The following SDK1 variants were observed in gnomAD, a reference collection of about 807,000 sequenced individuals.
SDK1 encodes the protein sidekick cell adhesion molecule 1.
SDK1 carries 157 observed loss-of-function variants against 245.5 expected under a neutral mutation model. That is an observed-to-expected ratio of 0.64 (90% CI 0.56 to 0.73). SDK1 has a LOEUF of 0.73. SDK1 is among the 30% of genes least tolerant of loss of function. SDK1 has a pLI of 0.00. For synonymous variants in SDK1, 1,647 were observed against 1,278.5 expected (o/e 1.29, Z -6.15); for missense variants, 3,583 against 3,002.3 (o/e 1.19, Z -4.52).
intron 1 of SDK1, among the ~76,000 whole-genome samples, chr7:3,425,333 G>T (rs1297514656): frequency 6.6e-6 from 1 of 152,106 alleles, no homozygotes; most frequent in Non-Finnish European, 1.5e-5. Context: ...TATAAATCAA[G>T]AATTGAATGA....
intron 5 of SDK1, among the ~76,000 whole-genome samples, chr7:3,832,171 G>A (rs1185835158): frequency 6.6e-6 from 1 of 152,158 alleles, no homozygotes; most frequent in Non-Finnish European, 1.5e-5. Flanking sequence ...AAAGCAACAA[G>A]TTACTTTCAC....
intron 4 of SDK1, among the ~76,000 whole-genome samples, chr7:3,787,841 C>G (rs570438196): frequency 4.6e-5 from 7 of 152,334 alleles, no homozygotes; most frequent in African/African-American, 1.4e-4. Flanking sequence ...AGCATTTCAA[C>G]ATAAGACGTG....
chr7:3,579,879 G>A (rs1043349407), intron 1 of SDK1, among the ~76,000 whole-genome samples: 2 of 152,214 alleles, frequency 1.3e-5, no homozygotes, highest in Non-Finnish European at 2.9e-5. Flanking sequence ...ACACCCAGAG[G>A]TGCCTTGGGT....
intron 44 of SDK1, among the ~76,000 whole-genome samples, chr7:4,261,888 C>G (rs1788037214): frequency 6.6e-6 from 1 of 151,846 alleles, no homozygotes; most frequent in African/African-American, 2.4e-5. Flanking sequence ...GCCTGGGAAG[C>G]TGTTAGGACG....
At chr7:3,476,255 G>A (rs995264009) in intron 1 of SDK1, among the ~76,000 whole-genome samples, 1 of 152,128 alleles carries the variant, frequency 6.6e-6, no homozygotes. Flanking sequence ...TTTAATGCCA[G>A]TGACTTGAAC....
chr7:4,084,709 ATGTT>A (rs1562786807), intron 22 of SDK1, among the ~76,000 whole-genome samples: 1 of 135,968 alleles, frequency 7.4e-6, no homozygotes. Flanking sequence ...ATGTTATGTT[ATGTT>A]ATGTTATGTT....
At chr7:4,043,620 A>G (rs1360607668) in intron 17 of SDK1, among the ~76,000 whole-genome samples, 2 of 152,240 alleles carry the variant, frequency 1.3e-5, no homozygotes, top group Non-Finnish European at 2.9e-5. Context: ...CACTGCCTCC[A>G]GGATGCAGGA....
At chr7:3,936,391 C>T (rs545541821) in intron 5 of SDK1, among the ~76,000 whole-genome samples, 2 of 151,866 alleles carry the variant, frequency 1.3e-5, no homozygotes, top group Non-Finnish European at 2.9e-5. Context: ...AACATCCTGG[C>T]TAACACGGTG....
chr7:4,231,101 T>TA (rs1424464786), intron 40 of SDK1, among the ~76,000 whole-genome samples: 1 of 152,152 alleles, frequency 6.6e-6, no homozygotes, highest in Admixed American at 6.5e-5. Context: ...CAAACTCACA[T>TA]ACGACAATAT....
rs558893151 is a variant in SDK1 at position 3,433,740 on chromosome 7, T to A, written c.298+131856T>A. Among the ~76,000 whole-genome samples the A allele has an allele frequency of 2.0e-5, 3 of 152,284 alleles. No homozygotes were observed. The East Asian group carries it at 5.8e-4, about 29-fold the overall frequency. ...TTCAGAAAAATTTTAAGAGCAATAGTCAGTGCTTGGAGGAAAAAAGAATAC... is the reference window on the plus strand; with the variant it reads ...TTCAGAAAAATTTTAAGAGCAATAGACAGTGCTTGGAGGAAAAAAGAATAC... On this transcript the variant is annotated intron_variant, in intron 1 of 44. Coordinates refer to ENST00000404826, the MANE Select transcript of SDK1 (RefSeq NM_152744.4).
At chr7:4,216,935 GA>G (rs1429655007) in intron 38 of SDK1, among the ~76,000 whole-genome samples, 1 of 152,050 alleles carries the variant, frequency 6.6e-6, no homozygotes, top group Non-Finnish European at 1.5e-5. Context: ...AACACTCCTC[GA>G]ACCCCTGGGA....
intron 43 of SDK1, among the ~76,000 whole-genome samples, chr7:4,244,633 C>T (rs889407921): frequency 4.6e-5 from 7 of 152,318 alleles, no homozygotes; most frequent in Middle Eastern, 3.4e-3. Context: ...TTTAGCACCA[C>T]GCGGTCTCCC....
intron 1 of SDK1, among the ~76,000 whole-genome samples, chr7:3,370,735 G>C (rs1416376394): frequency 1.3e-5 from 2 of 152,188 alleles, no homozygotes; most frequent in African/African-American, 4.8e-5. Context: ...CTCTGAACTA[G>C]AACAAGACAA....
intron 1 of SDK1, among the ~76,000 whole-genome samples, chr7:3,524,615 C>T (rs780226481): frequency 2.0e-5 from 3 of 151,930 alleles, no homozygotes; most frequent in Admixed American, 1.3e-4. Context: ...ATAACCCCAA[C>T]GTTTTTAGTT....
intron 1 of SDK1, among the ~76,000 whole-genome samples, chr7:3,306,953 A>G (rs1286906726): frequency 6.6e-6 from 1 of 152,222 alleles, no homozygotes; most frequent in African/African-American, 2.4e-5. Flanking sequence ...AGAAAGTGGT[A>G]GTTATGAGAG....
At chr7:3,948,557 C>T (rs548715633) in intron 5 of SDK1, among the ~76,000 whole-genome samples, 5 of 152,318 alleles carry the variant, frequency 3.3e-5, no homozygotes, top group Admixed American at 6.5e-5. Flanking sequence ...CCACCGCGCC[C>T]GGCCACCACT....
intron 16 of SDK1, 63 bp downstream of exon 16, chr7:4,012,298 G>C (rs1583825378): frequency 4.9e-6 from 7 of 1,427,100 alleles, no homozygotes; most frequent in East Asian, 2.7e-5. Flanking sequence ...ATTTCACAGA[G>C]GGTTGCAAAC....
chr7:3,343,150 G>C (rs1780393790), intron 1 of SDK1, among the ~76,000 whole-genome samples: 1 of 152,090 alleles, frequency 6.6e-6, no homozygotes, highest in Non-Finnish European at 1.5e-5. Context: ...GATACAACTT[G>C]GCAAGTGTAC....
chr7:3,486,533 C>T (rs1781700036), intron 1 of SDK1, among the ~76,000 whole-genome samples: 1 of 151,956 alleles, frequency 6.6e-6, no homozygotes, highest in African/African-American at 2.4e-5. Context: ...CTGGTAAATG[C>T]ATTTTATGCT....
Sources: allele counts gnomAD v4.1 joint callset (sites outside exome capture counted in the v4.1 genomes callset), GRCh38; gene constraint gnomAD v4.1.1; transcripts MANE v1.5; gene names NCBI Gene and HGNC (gene_info 2026-07-23, HGNC 2026-07-21).